The following ZRANB3 variants were observed in gnomAD, a reference collection of about 807,000 sequenced individuals.
ZRANB3 encodes zinc finger RANBP2-type containing 3, also known as DNA annealing helicase and endonuclease ZRANB3.
A neutral mutation model predicts 133.8 loss-of-function variants in ZRANB3; 125 were observed. That is an observed-to-expected ratio of 0.93 (90% CI 0.81 to 1.08). The LOEUF (loss-of-function observed/expected upper bound fraction) is 1.08. Ranked by LOEUF, ZRANB3 falls within the 50% of genes least tolerant of loss-of-function variation. The pLI, the probability that ZRANB3 is intolerant of heterozygous loss-of-function variation, is 0.00. For missense variants in ZRANB3, 1,229 were observed against 1,275.5 expected, an observed-to-expected ratio of 0.96 and a Z score of 0.56; for synonymous variants, 387 against 432.7, an observed-to-expected ratio of 0.89 and a Z score of 1.31.
chr2:135,236,159 G>A (rs1695273567), intron 12 of ZRANB3, among the ~76,000 whole-genome samples: 1 of 152,140 alleles, frequency 6.6e-6, no homozygotes, highest in Non-Finnish European at 1.5e-5. Context: ...CAAACAGAGA[G>A]CCAAATCATG....
intron 3 of ZRANB3, among the ~76,000 whole-genome samples, chr2:135,388,477 A>G (rs1574020002): frequency 6.7e-6 from 1 of 148,980 alleles, no homozygotes; most frequent in Non-Finnish European, 1.5e-5. Flanking sequence ...AACTGCTAAG[A>G]TTTTTCACCA....
In ZRANB3 at chr2:135,246,608, A is replaced by G. The variant is rs569550572; in HGVS notation, c.1540-15681T>C. 1.8e-3 allele frequency among the ~76,000 whole-genome samples: 277 copies of G among 152,328 alleles called. 2 individuals are homozygous for G. The highest frequency in any genetic ancestry group is 0.014 in the Middle Eastern group (4 of 294). ...CTAAGCCTATAGTAATTTTTATCAC[A>G]AAGCTTATGAGAAAAATATAATTAT... is the stretch of plus-strand genomic sequence containing the variant. On this transcript the variant is annotated intron_variant, in intron 12 of 20. Coordinates refer to ENST00000264159, the MANE Select transcript of ZRANB3 (RefSeq NM_032143.4).
chr2:135,281,198 G>C (rs947886142), intron 8 of ZRANB3, among the ~76,000 whole-genome samples: 1 of 152,170 alleles, frequency 6.6e-6, no homozygotes, highest in Non-Finnish European at 1.5e-5. Context: ...CTTCCCTACT[G>C]TTTTAACAAG....
At chr2:135,228,500 C>CTTT (rs1694853357) in intron 13 of ZRANB3, among the ~76,000 whole-genome samples, 2 of 151,644 alleles carry the variant, frequency 1.3e-5, no homozygotes, top group African/African-American at 4.8e-5. Flanking sequence ...GAGTTTTAGG[C>CTTT]AAAGAAATAA....
At chr2:135,460,561 C>T (rs759019648) in intron 2 of ZRANB3, among the ~76,000 whole-genome samples, 5 of 152,076 alleles carry the variant, frequency 3.3e-5, no homozygotes, top group Non-Finnish European at 7.3e-5. Context: ...GCCACCGAGC[C>T]TGGACGAAAC....
intron 2 of ZRANB3, among the ~76,000 whole-genome samples, chr2:135,416,529 C>T (rs1688581139): frequency 6.6e-6 from 1 of 151,834 alleles, no homozygotes; most frequent in African/African-American, 2.4e-5. Context: ...AATGGCCATA[C>T]TGCCCAAGGT....
intron 3 of ZRANB3, among the ~76,000 whole-genome samples, chr2:135,369,753 C>A (rs1686088995): frequency 6.6e-6 from 1 of 152,112 alleles, no homozygotes; most frequent in South Asian, 2.1e-4. Context: ...ACAGGGCTTG[C>A]AAATCATTGA....
intron 2 of ZRANB3, among the ~76,000 whole-genome samples, chr2:135,429,801 T>C (rs1371025086): frequency 6.6e-6 from 1 of 152,186 alleles, no homozygotes. Flanking sequence ...ACTATATAGT[T>C]ACTGACCCTT....
intron 3 of ZRANB3, among the ~76,000 whole-genome samples, chr2:135,366,703 T>C (rs1237956512): frequency 1.3e-5 from 2 of 151,968 alleles, no homozygotes; most frequent in Non-Finnish European, 2.9e-5. Flanking sequence ...CTATCAATTC[T>C]TGTAAGTATT....
chr2:135,331,990 T>C (rs1193695221), intron 6 of ZRANB3, among the ~76,000 whole-genome samples: 1 of 152,072 alleles, frequency 6.6e-6, no homozygotes, highest in Non-Finnish European at 1.5e-5. Context: ...TGAAACAACT[T>C]ATAAAGACAA....
intron 2 of ZRANB3, among the ~76,000 whole-genome samples, chr2:135,405,559 C>T (rs1442464173): frequency 6.6e-6 from 1 of 152,208 alleles, no homozygotes; most frequent in Non-Finnish European, 1.5e-5. Flanking sequence ...AAATTGACCA[C>T]ATAGTTGGAA....
At chr2:135,415,984 A>C (rs1206311139) in intron 2 of ZRANB3, among the ~76,000 whole-genome samples, 1 of 152,024 alleles carries the variant, frequency 6.6e-6, no homozygotes, top group African/African-American at 2.4e-5. Flanking sequence ...ATCTATGACA[A>C]ACCCACAGCC....
intron 3 of ZRANB3, among the ~76,000 whole-genome samples, chr2:135,383,558 A>G (rs561626054): frequency 6.6e-6 from 1 of 152,298 alleles, no homozygotes; most frequent in African/African-American, 2.4e-5. Context: ...TCTCAGCACC[A>G]CACCTCACTT....
intron 2 of ZRANB3, among the ~76,000 whole-genome samples, chr2:135,497,547 T>C (rs1469408122): frequency 6.6e-6 from 1 of 152,228 alleles, no homozygotes; most frequent in Admixed American, 6.5e-5. Context: ...TCAATAGCCA[T>C]CTGCAGTGAA....
At chr2:135,360,516 T>C (rs188497314) in intron 3 of ZRANB3, among the ~76,000 whole-genome samples, 124 of 151,464 alleles carry the variant, frequency 8.2e-4, no homozygotes, top group African/African-American at 2.5e-3. Context: ...CCATCCTGGC[T>C]AACACGGTGA....
In ZRANB3 at chr2:135,485,153, CA is replaced by C. The variant is rs764942594; in HGVS notation, c.161+19175del. ...GAGAAACAAAACAAAACAAACAAAA[CA>C]AAACAAAACAAAACAAAACAAAACA... is the stretch of plus-strand genomic sequence containing the variant. On this transcript the variant is annotated intron_variant, in intron 2 of 20. Transcript: ENST00000264159. Among the ~76,000 whole-genome samples, 3 of 101,732 alleles carry C rather than the reference CA, an allele frequency of 2.9e-5. No individual in the cohort carries two copies. In the African/African-American group the frequency reaches 3.3e-4, roughly 11 times the overall value. The allele number at this position is 101,732 out of a possible 152,430, so 66.7% of individuals were successfully genotyped here. A position where few individuals can be genotyped will look rare whatever the true frequency, so the allele number is the denominator to read the frequency against.
At chr2:135,285,485 C>G (rs1681310898) in intron 8 of ZRANB3, among the ~76,000 whole-genome samples, 2 of 152,218 alleles carry the variant, frequency 1.3e-5, no homozygotes, top group Admixed American at 6.5e-5. Context: ...AGACCCTGTG[C>G]AGCAGGGAAT....
chr2:135,343,134 C>T (rs1203574945), intron 6 of ZRANB3, among the ~76,000 whole-genome samples: 1 of 140,570 alleles, frequency 7.1e-6, no homozygotes, highest in Admixed American at 7.1e-5. Flanking sequence ...TGCGGTGAGC[C>T]GTGACTGTGC....
chr2:135,402,477 G>A (rs897075719), intron 2 of ZRANB3, among the ~76,000 whole-genome samples: 2 of 151,484 alleles, frequency 1.3e-5, no homozygotes, highest in African/African-American at 4.9e-5. Context: ...TGTATTTTTA[G>A]TAGAGATGGG....
Sources: allele counts gnomAD v4.1 joint callset (sites outside exome capture counted in the v4.1 genomes callset), GRCh38; gene constraint gnomAD v4.1.1; transcripts MANE v1.5; gene names NCBI Gene and HGNC (gene_info 2026-07-23, HGNC 2026-07-21).